Variants in CACNA2D1 observed in about 807,000 individuals in gnomAD.
CACNA2D1 encodes voltage-dependent calcium channel subunit alpha-2/delta-1.
Under a neutral mutation model 171.5 loss-of-function variants are expected in CACNA2D1, and 53 were observed. The ratio of observed to expected loss-of-function variants is 0.31; its 90% CI spans 0.25 to 0.39. The LOEUF is 0.39. Among genes scored for constraint, CACNA2D1 ranks in the 10% least tolerant of loss-of-function variants. The pLI is 1.00. For synonymous variants in CACNA2D1, 442 were observed against 443.1 expected, an observed-to-expected ratio of 1.00 and a Z score of 0.03; for missense variants, 903 against 1,299.8, an observed-to-expected ratio of 0.69 and a Z score of 4.69.
intron 10 of CACNA2D1, among the ~76,000 whole-genome samples, chr7:82,057,100 A>G (rs1805994928): frequency 6.6e-6 from 1 of 152,198 alleles, no homozygotes; most frequent in Non-Finnish European, 1.5e-5. Flanking sequence ...CCATGGTGCT[A>G]TGTGCTGAAG....
chr7:82,091,418 C>A (rs1473547834), intron 6 of CACNA2D1, among the ~76,000 whole-genome samples: 1 of 152,150 alleles, frequency 6.6e-6, no homozygotes, highest in Non-Finnish European at 1.5e-5. Context: ...AGATTTCTGG[C>A]CTTGCCCCCT....
chr7:82,409,761 A>C (rs936575701), intron 1 of CACNA2D1, among the ~76,000 whole-genome samples: 6 of 152,200 alleles, frequency 3.9e-5, no homozygotes, highest in African/African-American at 1.4e-4. Context: ...CTGGGTTTTA[A>C]ATACAGTCAT....
intron 1 of CACNA2D1, among the ~76,000 whole-genome samples, chr7:82,357,617 C>T (rs1469924723): frequency 6.6e-6 from 1 of 150,466 alleles, no homozygotes; most frequent in African/African-American, 2.4e-5. Flanking sequence ...TTTTTCCATG[C>T]CCTTCCCAAT....
chr7:82,135,728 A>C (rs1272541450), intron 5 of CACNA2D1, among the ~76,000 whole-genome samples: 1 of 152,084 alleles, frequency 6.6e-6, no homozygotes, highest in Non-Finnish European at 1.5e-5. Context: ...TCTTCTTTTA[A>C]ATAGCTGGAA....
intron 4 of CACNA2D1, among the ~76,000 whole-genome samples, chr7:82,159,481 T>A (rs1030429438): frequency 6.6e-6 from 1 of 151,858 alleles, no homozygotes; most frequent in African/African-American, 2.4e-5. Flanking sequence ...AATCCGTCCA[T>A]ATCCATATTT....
chr7:81,967,109 T>C (rs1388743749), intron 31 of CACNA2D1, 60 bp downstream of exon 31: 5 of 1,302,960 alleles, frequency 3.8e-6, no homozygotes, highest in Non-Finnish European at 5.5e-6. Flanking sequence ...CACTATAGTC[T>C]TAGCAAGAGT....
chr7:82,399,376 G>C (rs1234086143), intron 1 of CACNA2D1, among the ~76,000 whole-genome samples: 1 of 151,398 alleles, frequency 6.6e-6, no homozygotes, highest in Non-Finnish European at 1.5e-5. Flanking sequence ...GGAGGCGGAG[G>C]CTGCAGTGAG....
At chr7:82,433,815 T>C (rs777379255) in intron 1 of CACNA2D1, among the ~76,000 whole-genome samples, 2 of 152,320 alleles carry the variant, frequency 1.3e-5, no homozygotes, top group Non-Finnish European at 2.9e-5. Flanking sequence ...GCAACTGGCC[T>C]TTTACCATGT....
At chr7:81,975,315 T>C (rs1795727051) in intron 24 of CACNA2D1, among the ~76,000 whole-genome samples, 2 of 152,130 alleles carry the variant, frequency 1.3e-5, no homozygotes. Flanking sequence ...TGTTAATATA[T>C]TTTAATAAAA....
At chr7:81,996,136 C>A (rs1178873726) in intron 19 of CACNA2D1, among the ~76,000 whole-genome samples, 1 of 152,002 alleles carries the variant, frequency 6.6e-6, no homozygotes, top group Non-Finnish European at 1.5e-5. Flanking sequence ...TTTGCTAAGT[C>A]CTTTCTATAT....
intron 4 of CACNA2D1, among the ~76,000 whole-genome samples, chr7:82,151,234 A>G (rs1457660666): frequency 1.3e-5 from 2 of 152,160 alleles, no homozygotes; most frequent in African/African-American, 4.8e-5. Flanking sequence ...TTCATTCCTC[A>G]GGCATATTTT....
intron 9 of CACNA2D1, among the ~76,000 whole-genome samples, chr7:82,062,975 C>G (rs6950882): frequency 0.99 from 151,305 of 152,104 alleles, 75,257 homozygotes; most frequent in Non-Finnish European, 1. Flanking sequence ...TCAAACTCCT[C>G]GGCTTAAGCC....
chr7:82,137,271 G>T (rs1791730817), intron 4 of CACNA2D1, among the ~76,000 whole-genome samples: 1 of 152,126 alleles, frequency 6.6e-6, no homozygotes, highest in Admixed American at 6.5e-5. Flanking sequence ...AATATATATG[G>T]ATGACTCTGC....
At chr7:82,091,890 A>C (rs1811217199) in intron 6 of CACNA2D1, among the ~76,000 whole-genome samples, 1 of 152,244 alleles carries the variant, frequency 6.6e-6, no homozygotes, top group South Asian at 2.1e-4. Flanking sequence ...ATTCGTCTAA[A>C]AAAATGAATA....
At chr7:81,950,908 A>C (rs1792442388) in intron 38 of CACNA2D1, among the ~76,000 whole-genome samples, 1 of 152,110 alleles carries the variant, frequency 6.6e-6, no homozygotes, top group Non-Finnish European at 1.5e-5. Context: ...ACTATGCTCC[A>C]TATGGTAAAG....
intron 6 of CACNA2D1, among the ~76,000 whole-genome samples, chr7:82,108,137 C>T (rs1787963742): frequency 6.6e-6 from 1 of 152,080 alleles, no homozygotes; most frequent in Non-Finnish European, 1.5e-5. Flanking sequence ...TCTTAATATA[C>T]AGCTATCTGA....
At chr7:81,982,418 A>C in intron 24 of CACNA2D1, 149 bp downstream of exon 24, 1 of 638,384 alleles carries the variant, frequency 1.6e-6, no homozygotes, top group Non-Finnish European at 2.8e-6. Flanking sequence ...TGAATAAATA[A>C]AGATTTTGTT....
At chr7:82,021,094 A>G (rs1000500822) in intron 12 of CACNA2D1, 1 of 152,170 alleles carries the variant, frequency 6.6e-6, no homozygotes, top group Non-Finnish European at 1.5e-5. Flanking sequence ...AGTAATCTGA[A>G]GTTTCCTTTT....
intron 18 of CACNA2D1, among the ~76,000 whole-genome samples, chr7:81,998,837 C>G (rs552218374): frequency 6.6e-6 from 1 of 152,088 alleles, no homozygotes; most frequent in South Asian, 2.1e-4. Context: ...AAAATAAAAG[C>G]CAATGTTGAA....
Sources: allele counts gnomAD v4.1 joint callset (sites outside exome capture counted in the v4.1 genomes callset), GRCh38; gene constraint gnomAD v4.1.1; transcripts MANE v1.5; gene names NCBI Gene and HGNC (gene_info 2026-07-23, HGNC 2026-07-21).